The following SLC67A2 variants were observed in gnomAD, a reference collection of about 807,000 sequenced individuals.
SLC67A2 encodes solute carrier family 67 member A2.
the SLC67A2 span, among the ~76,000 whole-genome samples, chr2:102,735,658 A>C: frequency 4.4e-4 from 67 of 152,362 alleles, no homozygotes; most frequent in Non-Finnish European, 3.7e-4. Flanking sequence ...ATAATGGCCC[A>C]GAAACTACCA....
At chr2:102,730,716 T>C in the SLC67A2 span, among the ~76,000 whole-genome samples, 2 of 152,074 alleles carry the variant, frequency 1.3e-5, no homozygotes, top group Non-Finnish European at 2.9e-5. Flanking sequence ...CTAATTTTTT[T>C]GTATCTTTTT....
At chr2:102,732,465 C>A in the SLC67A2 span, 2 of 1,386,764 alleles carry the variant, frequency 1.4e-6, no homozygotes, top group Non-Finnish European at 9.9e-7. Context: ...ACTAGTAAAC[C>A]TAAAAATTTA....
the SLC67A2 span, among the ~76,000 whole-genome samples, chr2:102,728,093 C>G: frequency 6.6e-6 from 1 of 152,028 alleles, no homozygotes; most frequent in Non-Finnish European, 1.5e-5. Context: ...AGGAAGCCTG[C>G]CATTTCACAC....
chr2:102,730,020 G>A, the SLC67A2 span, among the ~76,000 whole-genome samples: 1 of 152,136 alleles, frequency 6.6e-6, no homozygotes, highest in Non-Finnish European at 1.5e-5. Flanking sequence ...AGTCACTACT[G>A]ATCAATTGTG....
chr2:102,721,165 T>G, the SLC67A2 span, among the ~76,000 whole-genome samples: 1 of 152,250 alleles, frequency 6.6e-6, no homozygotes, highest in Non-Finnish European at 1.5e-5. Flanking sequence ...AATGGCACTA[T>G]TGTTGAAGGA....
chr2:102,726,816 G>GAAAAAAA, the SLC67A2 span: 7 of 1,303,062 alleles, frequency 5.4e-6, no homozygotes, highest in South Asian at 5.1e-5. Context: ...AGCTACGTTT[G>GAAAAAAA]AAAAAAAAAA....
chr2:102,723,173 G>A, the SLC67A2 span, among the ~76,000 whole-genome samples: 2 of 152,212 alleles, frequency 1.3e-5, no homozygotes, highest in African/African-American at 4.8e-5. Flanking sequence ...AGGATGTGGA[G>A]AAAAGAGAAC....
the SLC67A2 span, chr2:102,726,908 C>T: frequency 6.2e-7 from 1 of 1,613,556 alleles, no homozygotes; most frequent in Non-Finnish European, 8.5e-7. Context: ...AGGAGATAGC[C>T]CAGAGCACTG....
At chr2:102,723,241 C>A in the SLC67A2 span, among the ~76,000 whole-genome samples, 3 of 152,136 alleles carry the variant, frequency 2.0e-5, no homozygotes, top group African/African-American at 4.8e-5. Flanking sequence ...GAGGCAGAGG[C>A]GGCGGATCGC....
chr2:102,732,979 A>G, the SLC67A2 span, among the ~76,000 whole-genome samples: 3 of 152,194 alleles, frequency 2.0e-5, no homozygotes, highest in Non-Finnish European at 4.4e-5. Flanking sequence ...GTGTCTTTGG[A>G]AAGCTACTTA....
the SLC67A2 span, chr2:102,732,210 T>A: frequency 2.1e-6 from 2 of 959,120 alleles, no homozygotes; most frequent in Non-Finnish European, 3.4e-6. Flanking sequence ...TTTATCTCAT[T>A]TCCCACTTAC....
At chr2:102,729,389 A>G in the SLC67A2 span, among the ~76,000 whole-genome samples, 1 of 152,260 alleles carries the variant, frequency 6.6e-6, no homozygotes, top group Non-Finnish European at 1.5e-5. Context: ...ACCAGAGTCC[A>G]GGAAGAGAAA....
chr2:102,735,000 C>T, the SLC67A2 span, among the ~76,000 whole-genome samples: 2 of 152,268 alleles, frequency 1.3e-5, no homozygotes, highest in South Asian at 4.1e-4. Flanking sequence ...CTGAACCAGC[C>T]CAAGTCCCTT....
the SLC67A2 span, among the ~76,000 whole-genome samples, chr2:102,721,342 G>A: frequency 4.6e-5 from 7 of 152,124 alleles, no homozygotes; most frequent in Non-Finnish European, 8.8e-5. Flanking sequence ...CCTGATTCAA[G>A]TTACAGGCTA....
chr2:102,731,463 A>ATATTTT, the SLC67A2 span, among the ~76,000 whole-genome samples: 2 of 152,328 alleles, frequency 1.3e-5, no homozygotes, highest in East Asian at 1.9e-4. Flanking sequence ...TTAAAATCTT[A>ATATTTT]ACATTGTCTC....
the SLC67A2 span, among the ~76,000 whole-genome samples, chr2:102,734,300 C>T: frequency 2.0e-5 from 3 of 152,028 alleles, no homozygotes; most frequent in African/African-American, 7.2e-5. Context: ...CAAATCTCAC[C>T]AAGTATCTGG....
At chr2:102,716,835 T>C in the SLC67A2 span, 2 of 152,214 alleles carry the variant, frequency 1.3e-5, no homozygotes, top group African/African-American at 4.8e-5. Flanking sequence ...GATTAATACT[T>C]GATGCAATCC....
chr2:102,730,130 A>ACATCAGGT, the SLC67A2 span, among the ~76,000 whole-genome samples: 6 of 152,342 alleles, frequency 3.9e-5, no homozygotes, highest in South Asian at 8.3e-4. Context: ...AGAGAAGGGG[A>ACATCAGGT]CATCAGGTAA....
At chr2:102,731,721 G>C in the SLC67A2 span, among the ~76,000 whole-genome samples, 4 of 152,106 alleles carry the variant, frequency 2.6e-5, no homozygotes, top group South Asian at 8.3e-4. Flanking sequence ...TTGCTTGTTT[G>C]GCTTGTGAAT....
Sources: gnomAD v4.1 joint callset for allele counts (sites outside exome capture counted in the v4.1 genomes callset) on GRCh38, gnomAD v4.1.1 for gene constraint, MANE v1.5 for transcripts, NCBI Gene and HGNC (gene_info 2026-07-23, HGNC 2026-07-21) for gene names.